Variants in C4BPA observed in about 807,000 individuals in gnomAD.
C4BPA encodes complement component 4 binding protein alpha.
C4BPA carries 31 observed loss-of-function variants against 63.7 expected under a neutral mutation model. That is an observed-to-expected ratio of 0.49 (90% CI 0.37 to 0.66). The LOEUF (loss-of-function observed/expected upper bound fraction) is 0.66. Among genes scored for constraint, C4BPA ranks in the 30% least tolerant of loss-of-function variants. The pLI, the probability that C4BPA is intolerant of heterozygous loss-of-function variation, is 0.00. For synonymous variants in C4BPA, 259 were observed against 254.7 expected, an observed-to-expected ratio of 1.02 and a Z score of -0.16; for missense variants, 572 against 723.3, an observed-to-expected ratio of 0.79 and a Z score of 2.40.
intron 6 of C4BPA, among the ~76,000 whole-genome samples, chr1:207,125,440 T>A (rs1204220080): frequency 6.6e-6 from 1 of 152,150 alleles, no homozygotes; most frequent in Non-Finnish European, 1.5e-5. Context: ...ATCTCCAAAC[T>A]CATGATAAAA....
chr1:207,129,441 CA>C (rs1685116261), intron 7 of C4BPA, among the ~76,000 whole-genome samples: 2 of 135,228 alleles, frequency 1.5e-5, no homozygotes, highest in Admixed American at 1.4e-4. Context: ...AACAAAAGAA[CA>C]AAACAACACA....
At chr1:207,123,730 C>G (rs1368369835) in intron 4 of C4BPA, among the ~76,000 whole-genome samples, 192 bp from the exon 5 acceptor site, 1 of 151,962 alleles carries the variant, frequency 6.6e-6, no homozygotes, top group African/African-American at 2.4e-5. Context: ...AATGAGGGTC[C>G]AAAGGAAAAA....
intron 3 of C4BPA, 128 bp downstream of exon 3, chr1:207,114,413 C>T (rs954082303): frequency 4.5e-5 from 26 of 577,062 alleles, no homozygotes; most frequent in African/African-American, 2.4e-4. Flanking sequence ...AATGTACATA[C>T]TTGTGGCATT....
At chr1:207,106,753 G>A (rs1572771307) in intron 1 of C4BPA, among the ~76,000 whole-genome samples, 1 of 152,102 alleles carries the variant, frequency 6.6e-6, no homozygotes, top group South Asian at 2.1e-4. Flanking sequence ...CTCTGTGTAA[G>A]TTTTAAGCTA....
rs759899269 is a variant in C4BPA, at chr1:207,113,162, T to G, written c.137T>G (p.Val46Gly). 10 of 1,610,306 alleles carry G rather than the reference T, an allele frequency of 6.2e-6. No individual in the cohort carries two copies. The African/African-American group carries it at 1.3e-4, about 22-fold the overall frequency. The change falls in exon 2 of 12, where the codon GTT becomes GGT. Residue 46 changes from valine (V) to glycine (G), a missense_variant. By Grantham distance (109) the Val-to-Gly change is moderately radical. Transcript: ENST00000367070. Reference sequence around the variant, plus strand: ...TTGATCGCTGCTCTGTTGCCTGCTGTTCTTGGTGAGTAGTGGGAAACAAGC... The same window carrying G: ...TTGATCGCTGCTCTGTTGCCTGCTGGTCTTGGTGAGTAGTGGGAAACAAGC... ...MTLIAALLPA[V>G]LGNCGPPPTL...
chr1:207,118,232 T>TATC (rs1365783003), intron 4 of C4BPA, among the ~76,000 whole-genome samples: 54 of 151,114 alleles, frequency 3.6e-4, no homozygotes, highest in African/African-American at 1.2e-3. Flanking sequence ...TCTATCTATC[T>TATC]ATCTATCTAT....
intron 7 of C4BPA, among the ~76,000 whole-genome samples, chr1:207,130,004 AT>A (rs1318746767): frequency 6.6e-6 from 1 of 152,004 alleles, no homozygotes; most frequent in Non-Finnish European, 1.5e-5. Context: ...GCATTTCTGT[AT>A]GTTATAGGCT....
intron 9 of C4BPA, among the ~76,000 whole-genome samples, chr1:207,138,645 C>A (rs1460040947): frequency 3.3e-5 from 5 of 152,184 alleles, no homozygotes; most frequent in Admixed American, 1.3e-4. Context: ...GCAGACTAGA[C>A]CTGCTGTTAA....
Position 207,131,593 on chromosome 1 carries a change from T to C in C4BPA, c.937T>C (p.Tyr313His), listed in dbSNP as rs1273506652. The C allele has an allele frequency of 6.2e-7, 1 of 1,612,938 alleles. No individual in the cohort carries two copies. Among genetic ancestry groups the C allele is most frequent in the African/African-American group, 1.3e-5 (1 of 75,008 alleles). Residue 313 changes from tyrosine to histidine, a missense_variant, in exon 8 of 12, where the codon TAT (tyrosine) becomes CAT (histidine). Coordinates refer to ENST00000367070, the MANE Select transcript of C4BPA (RefSeq NM_000715.4). Reference protein sequence around the residue: ...PDIPHASWETYPRPTKEDVYV... With the variant: ...PDIPHASWETHPRPTKEDVYV... ...CATTCCACATGCTTCCTGGGAAACA[T>C]ATCCTAGGCCGACAAAAGAGGATGT...
intron 2 of C4BPA, among the ~76,000 whole-genome samples, chr1:207,113,726 G>A (rs1684719268): frequency 1.3e-5 from 2 of 152,142 alleles, no homozygotes. Context: ...TTCTGTTGAG[G>A]CAACTTGTAG....
Position 207,126,864 on chromosome 1 carries a change from A to C in C4BPA, c.858A>C (p.Lys286Asn). The change falls in exon 7 of 12, where the codon AAA becomes AAC. Residue 286 changes from lysine to asparagine, a missense_variant. Transcript: ENST00000367070. The part of the protein sequence containing the change: ...SSVIHCDADS[K>N]WNPSPPACEP... The stretch of plus-strand genomic sequence containing the variant: ...TAATTCATTGTGATGCTGATAGCAA[A>C]TGGAATCCTTCTCCTCCTGCTTGTG... The C allele has an allele frequency of 6.2e-7, 1 of 1,613,100 alleles. No homozygotes were observed. Among genetic ancestry groups the C allele is most frequent in the East Asian group, 2.2e-5 (1 of 44,836 alleles).
At chr1:207,121,083 C>T (rs1684912521) in intron 4 of C4BPA, among the ~76,000 whole-genome samples, 2 of 152,208 alleles carry the variant, frequency 1.3e-5, no homozygotes, top group Non-Finnish European at 2.9e-5. Flanking sequence ...GCTGAGATTA[C>T]AGGCATGAGC....
chr1:207,134,606 G>T lies in C4BPA; in HGVS notation c.1273+14G>T. ...CATGTGGAGACAGTAAGAGTTCATA[G>T]AATTATCTTATTCTGGGAGTTTCTT... is the stretch of plus-strand genomic sequence containing the variant. On this transcript the variant is annotated intron_variant, in intron 9 of 11. Coordinates refer to ENST00000367070, the MANE Select transcript of C4BPA (RefSeq NM_000715.4). 6.3e-7 allele frequency: 1 copy of T among 1,579,146 alleles called. No individual in the cohort carries two copies.
intron 9 of C4BPA, among the ~76,000 whole-genome samples, chr1:207,139,541 G>A (rs529117833): frequency 4.5e-4 from 68 of 152,120 alleles, no homozygotes; most frequent in Admixed American, 2.0e-3. Flanking sequence ...CTCTTACCCC[G>A]CAGGTCAAGA....
At chr1:207,140,349 C>T (rs1360222493) in intron 9 of C4BPA, among the ~76,000 whole-genome samples, 1 of 152,190 alleles carries the variant, frequency 6.6e-6, no homozygotes, top group Non-Finnish European at 1.5e-5. Flanking sequence ...TTAATCCCTT[C>T]TTATACCATC....
intron 8 of C4BPA, among the ~76,000 whole-genome samples, 172 bp from the exon 9 acceptor site, chr1:207,134,232 T>G (rs1295014139): frequency 6.6e-6 from 1 of 152,170 alleles, no homozygotes; most frequent in Non-Finnish European, 1.5e-5. Flanking sequence ...ATTAGAGGAC[T>G]TTAGCAAATA....
intron 4 of C4BPA, among the ~76,000 whole-genome samples, chr1:207,122,161 C>T (rs1684934027): frequency 6.6e-6 from 1 of 152,086 alleles, no homozygotes; most frequent in Non-Finnish European, 1.5e-5. Flanking sequence ...GCTAAAGTTG[C>T]CATTGTCATC....
intron 4 of C4BPA, among the ~76,000 whole-genome samples, chr1:207,117,946 T>C (rs2102335334): frequency 6.6e-6 from 1 of 152,368 alleles, no homozygotes; most frequent in African/African-American, 2.4e-5. Context: ...TATGCTTTCC[T>C]CAGTTCGTCT....
chr1:207,144,476 C>A, intron 11 of C4BPA, 68 bp from the exon 12 acceptor site: 1 of 1,412,066 alleles, frequency 7.1e-7, no homozygotes. Flanking sequence ...CTTCCACTGT[C>A]AGGATCCACC....
Sources: gnomAD v4.1 joint callset for allele counts (sites outside exome capture counted in the v4.1 genomes callset) on GRCh38, gnomAD v4.1.1 for gene constraint, MANE v1.5 for transcripts, NCBI Gene and HGNC (gene_info 2026-07-23, HGNC 2026-07-21) for gene names.